PTPRN2: variants seen among roughly 807,000 people sequenced by gnomAD.
PTPRN2 encodes protein tyrosine phosphatase receptor type N2.
Under a neutral mutation model 118.8 loss-of-function variants are expected in PTPRN2, and 74 were observed. The ratio of observed to expected loss-of-function variants is 0.62; its 90% CI spans 0.52 to 0.76. The LOEUF is 0.76. Ranked by LOEUF, PTPRN2 falls within the 30% of genes least tolerant of loss-of-function variation. PTPRN2 has a pLI of 0.00. For missense variants in PTPRN2, 1,481 were observed against 1,394.4 expected, an observed-to-expected ratio of 1.06 and a Z score of -0.99; for synonymous variants, 641 against 608.0, an observed-to-expected ratio of 1.05 and a Z score of -0.80.
chr7:158,331,043 G>A (rs1304176599), intron 2 of PTPRN2, among the ~76,000 whole-genome samples: 1 of 138,328 alleles, frequency 7.2e-6, no homozygotes, highest in African/African-American at 2.6e-5. Flanking sequence ...CATAAGAGGT[G>A]ACACCTGCAG....
At chr7:157,892,497 T>A (rs1022128667) in intron 12 of PTPRN2, among the ~76,000 whole-genome samples, 1 of 152,214 alleles carries the variant, frequency 6.6e-6, no homozygotes, top group Non-Finnish European at 1.5e-5. Context: ...TTTGAGATAT[T>A]TCCATTTGGC....
At chr7:158,407,242 G>GGTCCTGC (rs1813603014) in intron 2 of PTPRN2, among the ~76,000 whole-genome samples, 1 of 33,318 alleles carries the variant, frequency 3.0e-5, no homozygotes, top group African/African-American at 1.1e-4. Flanking sequence ...CTGGGTCCTG[G>GGTCCTGC]GTCCTGCGTC....
intron 12 of PTPRN2, among the ~76,000 whole-genome samples, chr7:157,789,028 G>A (rs113857154): frequency 6.6e-6 from 1 of 152,228 alleles, no homozygotes; most frequent in Non-Finnish European, 1.5e-5. Flanking sequence ...AGTCACTACA[G>A]GACAGTCAGA....
rs1413394435 is a variant in PTPRN2, at chr7:157,671,521, GA to G, written c.2001+11203del. On this transcript the variant is annotated intron_variant, in intron 13 of 22. Coordinates refer to ENST00000389418, the MANE Select transcript of PTPRN2 (RefSeq NM_002847.5). This position sits in a 1 kb window ranked among gnomAD's most constrained non-coding sequence, Gnocchi z 4.1. ...GGGAGGGTCTGCAGGGATAAAGTGG[GA>G]GGGGGGGCGGTGCAACGGAGGGAGC... Among the ~76,000 whole-genome samples the G allele has an allele frequency of 2.0e-5, 3 of 147,550 alleles. No individual in the cohort carries two copies. In the South Asian group the frequency reaches 6.3e-4, roughly 31 times the overall value.
intron 12 of PTPRN2, among the ~76,000 whole-genome samples, chr7:157,844,472 C>G (rs2151191021): frequency 6.6e-6 from 1 of 152,236 alleles, no homozygotes; most frequent in Admixed American, 6.5e-5. Context: ...ACATCTGGGG[C>G]AGAGGAACGA....
At position 158,015,219 on chromosome 7, in the gene PTPRN2, A is replaced by C. The variant is rs1417059687; in HGVS notation, c.1723+66079T>G. 6.6e-6 allele frequency among the ~76,000 whole-genome samples: 1 copy of C among 151,742 alleles called. No individual in the cohort carries two copies. The highest frequency in any genetic ancestry group is 2.4e-5 in the African/African-American group (1 of 41,246). ...GAGTGCCAGTCTGTGCCTCATTTCTACTCCACGTTGAATCTTTGAATCTAG... is the reference window on the plus strand; with the variant it reads ...GAGTGCCAGTCTGTGCCTCATTTCTCCTCCACGTTGAATCTTTGAATCTAG... On this transcript the variant is annotated intron_variant, in intron 11 of 22. Coordinates refer to ENST00000389418, the MANE Select transcript of PTPRN2 (RefSeq NM_002847.5). The surrounding 1 kb of genome is among the most constrained non-coding windows in gnomAD (Gnocchi z 4.2).
At chr7:157,546,732 A>C (rs1223428277) in intron 22 of PTPRN2, among the ~76,000 whole-genome samples, 1 of 152,218 alleles carries the variant, frequency 6.6e-6, no homozygotes, top group Non-Finnish European at 1.5e-5. Context: ...CCATTTAAAA[A>C]TGGAGTAGAA....
chr7:157,977,925 G>A lies in PTPRN2; in HGVS notation c.1724-79188C>T, dbSNP rs951825144. Among the ~76,000 whole-genome samples, 8 of 151,762 alleles carry A rather than the reference G, an allele frequency of 5.3e-5. No homozygotes were observed. The East Asian group carries it at 9.6e-4, about 18-fold the overall frequency. Reference sequence around the variant, plus strand: ...CAGCTTCCCGATGTGTCTGTGGGCCGGCAGGACTCACCGCCGCAGGCAGCA... The same window carrying A: ...CAGCTTCCCGATGTGTCTGTGGGCCAGCAGGACTCACCGCCGCAGGCAGCA... On this transcript the variant is annotated intron_variant, in intron 11 of 22. Coordinates refer to ENST00000389418, the MANE Select transcript of PTPRN2 (RefSeq NM_002847.5). This position sits in a 1 kb window ranked among gnomAD's most constrained non-coding sequence, Gnocchi z 4.6.
intron 11 of PTPRN2, among the ~76,000 whole-genome samples, chr7:158,021,422 G>A (rs903293087): frequency 1.9e-4 from 29 of 152,116 alleles, no homozygotes; most frequent in African/African-American, 6.0e-4. Flanking sequence ...CAGTGATGCC[G>A]GCAAAAACCA....
chr7:158,406,586 C>T (rs537732197), intron 2 of PTPRN2, among the ~76,000 whole-genome samples: 7 of 152,356 alleles, frequency 4.6e-5, no homozygotes, highest in African/African-American at 1.2e-4. Context: ...GGGCAGGTGC[C>T]GCTCTGGAAG....
At chr7:157,829,098 G>A (rs1328661543) in intron 12 of PTPRN2, among the ~76,000 whole-genome samples, 1 of 152,270 alleles carries the variant, frequency 6.6e-6, no homozygotes, top group Admixed American at 6.5e-5. Flanking sequence ...CCGGGCGCGG[G>A]ATGCTCGTGA....
At chr7:158,199,127 T>C (rs1826435112) in intron 4 of PTPRN2, among the ~76,000 whole-genome samples, 1 of 151,616 alleles carries the variant, frequency 6.6e-6, no homozygotes, top group African/African-American at 2.4e-5. Flanking sequence ...AGCTCCTCCT[T>C]AGACTTTAGC....
chr7:158,262,495 A>T (rs1450366804), intron 3 of PTPRN2, among the ~76,000 whole-genome samples: 2 of 92,386 alleles, frequency 2.2e-5, no homozygotes, highest in East Asian at 6.5e-4. Flanking sequence ...ACACACATAC[A>T]TGCACACACA....
chr7:158,010,985 A>C (rs1806006998), intron 11 of PTPRN2, among the ~76,000 whole-genome samples: 1 of 152,226 alleles, frequency 6.6e-6, no homozygotes, highest in African/African-American at 2.4e-5. Flanking sequence ...TCCACGGAGA[A>C]GGTTTTAGAA....
rs1336149241 is a variant in PTPRN2 at position 157,640,358 on chromosome 7, G to A, written c.2196+15999C>T. On this transcript the variant is annotated intron_variant, in intron 14 of 22. Transcript: ENST00000389418. Reference sequence around the variant, plus strand: ...ACTGTATGTTGGAAGACAGATCTGAGGAAATTCCCTGGAATGCAGGACAGA... The same window carrying A: ...ACTGTATGTTGGAAGACAGATCTGAAGAAATTCCCTGGAATGCAGGACAGA... 3.3e-5 allele frequency among the ~76,000 whole-genome samples: 5 copies of A among 152,184 alleles called. No homozygotes were observed. The East Asian group carries it at 7.7e-4, about 23-fold the overall frequency.
intron 11 of PTPRN2, among the ~76,000 whole-genome samples, chr7:158,009,433 G>A (rs1450220643): frequency 6.6e-6 from 1 of 151,970 alleles, no homozygotes; most frequent in Non-Finnish European, 1.5e-5. Context: ...TGCAAATGAA[G>A]CCGATTCAGC....
rs1490051327 is a variant in PTPRN2, at chr7:158,574,525, C to T, written c.112+13033G>A. Reference sequence around the variant, plus strand: ...GCCACAAGGGGGATGAGGCAGAAGCCTCCTGCCAGTGAGGGCCCAAGAGCC... The same window carrying T: ...GCCACAAGGGGGATGAGGCAGAAGCTTCCTGCCAGTGAGGGCCCAAGAGCC... On this transcript the variant is annotated intron_variant, in intron 1 of 22. Transcript: ENST00000389418. This position sits in a 1 kb window ranked among gnomAD's most constrained non-coding sequence, Gnocchi z 4.6. 6.6e-6 allele frequency among the ~76,000 whole-genome samples: 1 copy of T among 152,136 alleles called. No homozygotes were observed. The highest frequency in any genetic ancestry group is 2.4e-5 in the African/African-American group (1 of 41,436).
At chr7:158,149,438 A>T (rs1016392624) in intron 6 of PTPRN2, among the ~76,000 whole-genome samples, 1 of 136,624 alleles carries the variant, frequency 7.3e-6, no homozygotes, top group Non-Finnish European at 1.5e-5. Context: ...TTTTCTCAAG[A>T]GGTAAAAAAA....
intron 11 of PTPRN2, among the ~76,000 whole-genome samples, chr7:158,070,860 G>C (rs1376473311): frequency 5.0e-5 from 6 of 118,854 alleles, no homozygotes; most frequent in African/African-American, 1.5e-4. Context: ...GGAGGTGCCC[G>C]TGGTGGTGGT....
Sources: gnomAD v4.1 joint callset for allele counts (sites outside exome capture counted in the v4.1 genomes callset) on GRCh38, gnomAD v4.1.1 for gene constraint, Gnocchi (gnomAD v3.1) non-coding constraint, MANE v1.5 for transcripts, NCBI Gene and HGNC (gene_info 2026-07-23, HGNC 2026-07-21) for gene names.